The following NDUFS8 variants were observed in gnomAD, a reference collection of about 807,000 sequenced individuals.
NDUFS8 encodes NADH dehydrogenase [ubiquinone] iron-sulfur protein 8, mitochondrial.
NDUFS8 carries 13 observed loss-of-function variants against 25.6 expected under a neutral mutation model. The observed-to-expected ratio is 0.51, with a 90% CI of 0.33 to 0.81. NDUFS8 has a LOEUF of 0.81. Among genes scored for constraint, NDUFS8 ranks in the 30% least tolerant of loss-of-function variants. The pLI is 0.02. For synonymous variants in NDUFS8, 119 were observed against 119.4 expected (o/e 1.00, Z 0.02); for missense variants, 257 against 300.9 (o/e 0.85, Z 1.08).
intron 1 of NDUFS8, chr11:68,031,729 C>G (rs886633923): frequency 3.0e-6 from 1 of 336,948 alleles, no homozygotes; most frequent in Non-Finnish European, 5.8e-6. Context: ...AGGATGGCAG[C>G]GCTTTCCACC....
rs1328480324 is a variant in NDUFS8 at position 68,036,287 on chromosome 11, G to A, written c.407G>A (p.Gly136Asp). The change falls in exon 6 of 7, where the codon GGC becomes GAC. Residue 136 changes from glycine to aspartate, a missense_variant. Physicochemically the swap from Gly to Asp is moderately conservative, Grantham distance 94. Coordinates refer to ENST00000313468, the MANE Select transcript of NDUFS8 (RefSeq NM_002496.4). ...ATCGAGGCTGAGCCAAGAGCTGATG[G>A]CAGCCGCCGGACCACCCGCTATGAC... Reference protein sequence around the residue: ...ITIEAEPRADGSRRTTRYDID... With the variant: ...ITIEAEPRADDSRRTTRYDID... 1 of 1,612,880 alleles carries A rather than the reference G, an allele frequency of 6.2e-7. No individual in the cohort carries two copies. The highest frequency in any genetic ancestry group is 1.7e-5 in the Admixed American group (1 of 59,996).
At chr11:68,033,650 T>G in intron 5 of NDUFS8, 1 of 338,954 alleles carries the variant, frequency 3.0e-6, no homozygotes, top group Non-Finnish European at 5.7e-6. Context: ...CTGTTGCAGC[T>G]TCCCTTCCCC....
At chr11:68,033,405 CCT>C in intron 5 of NDUFS8, 122 bp downstream of exon 5, 1 of 1,160,888 alleles carries the variant, frequency 8.6e-7, no homozygotes. Flanking sequence ...TCCCTTTCCC[CCT>C]CTGAGCCACT....
Position 68,032,303 on chromosome 11 carries a change from A to G in NDUFS8, c.76A>G (p.Ser26Gly), listed in dbSNP as rs1854781353. ...TTTTGCAGGACCTCCTGGTGGCCGGAGCCTCCACAGCAGTGCAGTGGCAGC... is the reference window on the plus strand; with the variant it reads ...TTTTGCAGGACCTCCTGGTGGCCGGGGCCTCCACAGCAGTGCAGTGGCAGC... ...AARAGPPGGR[S>G]LHSSAVAATY... Residue 26 changes from serine (S) to glycine (G), a missense_variant, in exon 3 of 7, where the codon AGC (serine) becomes GGC (glycine). Transcript: ENST00000313468. 2 of 1,613,610 alleles carry G rather than the reference A, an allele frequency of 1.2e-6. No individual in the cohort carries two copies. The highest frequency in any genetic ancestry group is 1.7e-5 in the Admixed American group (1 of 60,006).
chr11:68,035,615 G>T, intron 5 of NDUFS8: 1 of 401,370 alleles, frequency 2.5e-6, no homozygotes. Flanking sequence ...CTGTAACTCA[G>T]CACTCACCGC....
intron 5 of NDUFS8, 148 bp downstream of exon 5, chr11:68,033,431 G>A: frequency 2.2e-6 from 2 of 920,724 alleles, no homozygotes; most frequent in Non-Finnish European, 3.4e-6. Flanking sequence ...CTCGTGAATG[G>A]GAATGATGAG....
At position 68,032,173 on chromosome 11, in the gene NDUFS8, A is replaced by T; in HGVS notation, c.22A>T (p.Met8Leu). The change falls in exon 2 of 7, where the codon ATG (methionine) becomes TTG (leucine). Residue 8 changes from methionine (M) to leucine (L), a missense_variant. Transcript: ENST00000313468. ...CCAGATGCGCTGCCTGACCACGCCT[A>T]TGCTGCTGCGGGCCCTGGCCCAGGC... MRCLTTP[M>L]LLRALAQAAR... 1 of 1,612,796 alleles carries T rather than the reference A, an allele frequency of 6.2e-7. No individual in the cohort carries two copies. The highest frequency in any genetic ancestry group is 2.2e-5 in the East Asian group (1 of 44,886).
At chr11:68,030,804 C>A in intron 1 of NDUFS8, 71 bp downstream of exon 1, 1 of 383,840 alleles carries the variant, frequency 2.6e-6, no homozygotes, top group Admixed American at 2.9e-5. Flanking sequence ...TGTGGTGTCC[C>A]CGTTGGCGCC....
chr11:68,034,029 T>C (rs12803743), intron 5 of NDUFS8: 18,876 of 155,254 alleles, frequency 0.12, 1,460 homozygotes, highest in Non-Finnish European at 0.18. Context: ...AGACAGTGAG[T>C]GCTGTCCACA....
chr11:68,032,684 G>T, intron 3 of NDUFS8: 1 of 846,772 alleles, frequency 1.2e-6, no homozygotes. Flanking sequence ...GTTGGGCAGG[G>T]AAGTGCGTCT....
At chr11:68,030,824 G>A in intron 1 of NDUFS8, 91 bp downstream of exon 1, 1 of 404,664 alleles carries the variant, frequency 2.5e-6, no homozygotes, top group Non-Finnish European at 5.0e-6. Flanking sequence ...CGCCAGCTCT[G>A]CGCCTGGGCT....
chr11:68,034,191 A>G (rs950313744), intron 5 of NDUFS8: 1 of 152,878 alleles, frequency 6.5e-6, no homozygotes, highest in Non-Finnish European at 1.5e-5. Context: ...TGTGGACACT[A>G]CATTTCTGGG....
intron 2 of NDUFS8, 24 bp from the exon 3 acceptor site, chr11:68,032,262 G>A: frequency 6.2e-7 from 1 of 1,613,848 alleles, no homozygotes. Context: ...CTCCTGGTAT[G>A]ACGTCACGCC....
chr11:68,030,688 G>A lies in NDUFS8; in HGVS notation c.-46G>A. 6.1e-6 allele frequency: 2 copies of A among 329,376 alleles called. No homozygotes were observed. Among genetic ancestry groups the A allele is most frequent in the South Asian group, 2.1e-5 (1 of 46,568 alleles). 20.4% of individuals were successfully genotyped at this position (329,376 alleles called of 1,614,324 possible). ...TCCTACAGTGTAGCCTCCGCCTCCC[G>A]ATTGACTGGCCTGCTTGGCAAGGCA... On this transcript the variant is annotated 5_prime_UTR_variant, in exon 1 of 7. Transcript: ENST00000313468.
At chr11:68,035,641 G>A in intron 5 of NDUFS8, 1 of 448,066 alleles carries the variant, frequency 2.2e-6, no homozygotes, top group South Asian at 1.6e-5. Context: ...GAGACCCTTA[G>A]GGCAGCGGGT....
At position 68,036,552 on chromosome 11, in the gene NDUFS8, G is replaced by A. The variant is rs1367957130; in HGVS notation, c.592G>A (p.Glu198Lys). ...CAACAACGGGGACAAGTGGGAGGCC[G>A]AGATCGCCGCCAACATCCAGGCTGA... Reference protein sequence around the residue: ...LLNNGDKWEAEIAANIQADYL... With the variant: ...LLNNGDKWEAKIAANIQADYL... Residue 198 changes from glutamate (E) to lysine (K), a missense_variant, in exon 7 of 7, where the codon GAG becomes AAG. By Grantham distance (56) the Glu-to-Lys change is moderately conservative (BLOSUM62 1). Transcript: ENST00000313468. The A allele has an allele frequency of 5.6e-6, 9 of 1,613,954 alleles. No homozygotes were observed. The highest frequency in any genetic ancestry group is 1.7e-5 in the Admixed American group (1 of 60,010).
At chr11:68,030,970 G>T (rs1459309950) in intron 1 of NDUFS8, 1 of 431,586 alleles carries the variant, frequency 2.3e-6, no homozygotes, top group Non-Finnish European at 4.7e-6. Flanking sequence ...AGGTGGGGAA[G>T]GTGCTGGGTT....
chr11:68,033,187 C>T lies in NDUFS8; in HGVS notation c.276C>T (p.Ser92=). ...ACCCGTTCGAGAAGGGCCCGCTGAG[C>T]CCTCGCTTCCGTGGGGAGCATGCGC... ...INYPFEKGPL[S]PRFRGEHALR... The change falls in exon 5 of 7, where the codon AGC becomes AGT. Residue 92 remains serine (S), a synonymous_variant. Coordinates refer to ENST00000313468, the MANE Select transcript of NDUFS8 (RefSeq NM_002496.4). 1 of 1,612,408 alleles carries T rather than the reference C, an allele frequency of 6.2e-7. No homozygotes were observed. The highest frequency in any genetic ancestry group is 8.5e-7 in the Non-Finnish European group (1 of 1,179,664).
Position 68,036,042 on chromosome 11 carries a change from A to AC in NDUFS8, c.373-209dup, listed in dbSNP as rs1554992144. 4.0e-4 allele frequency: 219 copies of AC among 549,382 alleles called. 2 individuals are homozygous for AC. The highest frequency in any genetic ancestry group is 4.0e-3 in the African/African-American group (200 of 50,588). The allele number at this position is 549,382 out of a possible 1,614,324, so 34.0% of individuals were successfully genotyped here. A position where few individuals can be genotyped will look rare whatever the true frequency, so the allele number is the denominator to read the frequency against. ...CAAAAAAAAAAAAAAAAAAAAAAAA[A>AC]CCAGCAAGGCAGGGACGCCAGCAGG... On this transcript the variant is annotated intron_variant, in intron 5 of 6. Transcript: ENST00000313468.
Sources: allele counts gnomAD v4.1 joint callset, GRCh38; gene constraint gnomAD v4.1.1; transcripts MANE v1.5; gene names NCBI Gene and HGNC (gene_info 2026-07-23, HGNC 2026-07-21).